BRWD1: variants seen among roughly 807,000 people sequenced by gnomAD.
BRWD1 encodes the protein bromodomain and WD repeat domain containing 1.
Under a neutral mutation model 251.2 loss-of-function variants are expected in BRWD1, and 82 were observed. That is an observed-to-expected ratio of 0.33 (90% CI 0.27 to 0.39). BRWD1 has a LOEUF of 0.39. BRWD1 is among the 10% of genes least tolerant of loss of function. BRWD1 has a pLI of 1.00. For missense variants in BRWD1, 2,233 were observed against 2,711.6 expected, an observed-to-expected ratio of 0.82 and a Z score of 3.92; for synonymous variants, 918 against 902.8, an observed-to-expected ratio of 1.02 and a Z score of -0.30.
intron 5 of BRWD1, 77 bp from the exon 6 acceptor site, chr21:39,296,440 A>G: frequency 7.0e-7 from 1 of 1,422,618 alleles, no homozygotes; most frequent in Non-Finnish European, 9.2e-7. Flanking sequence ...ACTTACGTAT[A>G]TTGTAATAAA....
Position 39,293,871 on chromosome 21 carries a change from C to T in BRWD1, c.771G>A (p.Leu257=), listed in dbSNP as rs761255859. The T allele has an allele frequency of 7.4e-6, 12 of 1,614,052 alleles. No homozygotes were observed. The highest frequency in any genetic ancestry group is 1.3e-5 in the African/African-American group (1 of 74,924). The change falls in exon 8 of 41, where the codon TTG becomes TTA. Residue 257 remains leucine (L), a synonymous_variant. Transcript: ENST00000342449. ...GCACAGCAACTGGGGCACAAGTTCTCAAGCACCACACTCTAATAATTTTAT... is the reference window on the plus strand; with the variant it reads ...GCACAGCAACTGGGGCACAAGTTCTTAAGCACCACACTCTAATAATTTTAT... ...SCDKIIRVWC[L]RTCAPVAVLQ...
chr21:39,215,374 A>G lies in BRWD1; in HGVS notation c.3660-12T>C. On this transcript the variant is annotated splice_polypyrimidine_tract_variant and intron_variant, in intron 31 of 40. Transcript: ENST00000342449. The stretch of plus-strand genomic sequence containing the variant: ...ACGCAGACAGCCTCCTTCAAAATAA[A>G]GTAGACAATTTAGGGCTTAGAAAAT... 1 of 1,610,754 alleles carries G rather than the reference A, an allele frequency of 6.2e-7. No homozygotes were observed. The highest frequency in any genetic ancestry group is 2.2e-5 in the East Asian group (1 of 44,796).
rs969045890 is a variant in BRWD1 at position 39,192,544 on chromosome 21, A to G, written c.*3715T>C. The G allele has an allele frequency of 1.0e-6, 1 of 984,238 alleles. No individual in the cohort carries two copies. The highest frequency in any genetic ancestry group is 6.2e-5 in the Admixed American group (1 of 16,230). 61.0% of individuals were successfully genotyped at this position (984,238 alleles called of 1,614,324 possible). ...ACAATGACTTGTTGCACTCTATCAC[A>G]TTAAAATAATTGAACTATAATTTCC... On this transcript the variant is annotated 3_prime_UTR_variant, in exon 41 of 41. Transcript: ENST00000342449.
intron 4 of BRWD1, among the ~76,000 whole-genome samples, chr21:39,311,468 T>C (rs1425245478): frequency 6.6e-6 from 1 of 152,210 alleles, no homozygotes; most frequent in African/African-American, 2.4e-5. Context: ...ATAAATGTAT[T>C]TTAAAAGTAA....
At chr21:39,248,446 AAAAAACAAC>A (rs928981896) in intron 20 of BRWD1, among the ~76,000 whole-genome samples, 48 of 151,818 alleles carry the variant, frequency 3.2e-4, no homozygotes, top group South Asian at 1.0e-3. Context: ...ACCTGCCCCT[AAAAAACAAC>A]AAAAACAAGA....
At chr21:39,308,025 CACA>C (rs916841589) in intron 4 of BRWD1, among the ~76,000 whole-genome samples, 1 of 152,142 alleles carries the variant, frequency 6.6e-6, no homozygotes, top group African/African-American at 2.4e-5. Context: ...CACGGAGGCT[CACA>C]CCTGTAAACC....
intron 15 of BRWD1, among the ~76,000 whole-genome samples, chr21:39,267,504 C>T (rs938536133): frequency 5.9e-5 from 9 of 152,276 alleles, no homozygotes; most frequent in African/African-American, 1.9e-4. Context: ...GAGGCTGAGG[C>T]GGGAGAATGG....
intron 4 of BRWD1, among the ~76,000 whole-genome samples, chr21:39,302,147 C>A (rs1310274552): frequency 2.0e-5 from 3 of 151,936 alleles, no homozygotes; most frequent in Middle Eastern, 3.4e-3. Flanking sequence ...CCACACCCAG[C>A]TAATTTTTGT....
Position 39,232,451 on chromosome 21 carries a change from T to A in BRWD1, c.2814A>T (p.Leu938Phe). The change falls in exon 24 of 41, where the codon TTA (leucine) becomes TTT (phenylalanine). Residue 938 changes from leucine to phenylalanine, a missense_variant. By Grantham distance (22) the Leu-to-Phe change is conservative (BLOSUM62 0). Transcript: ENST00000342449. ...TCCAAACTGGAGGGTGAAATTCATA[T>A]AAATGCTCCATATTTGCAAGCTCTG... The part of the protein sequence containing the change: ...TPAELANMEH[L>F]YEFHPPVWIT... 1 of 1,587,862 alleles carries A rather than the reference T, an allele frequency of 6.3e-7. No homozygotes were observed. The highest frequency in any genetic ancestry group is 8.5e-7 in the Non-Finnish European group (1 of 1,174,202).
chr21:39,188,753 A>AG lies in BRWD1; in HGVS notation c.*7505dup, dbSNP rs2031386588. 9 of 985,314 alleles carry AG rather than the reference A, an allele frequency of 9.1e-6. No individual in the cohort carries two copies. The highest frequency in any genetic ancestry group is 1.1e-5 in the Non-Finnish European group (9 of 829,914). The allele number at this position is 985,314 out of a possible 1,614,324, so 61.0% of individuals were successfully genotyped here. On this transcript the variant is annotated 3_prime_UTR_variant, in exon 41 of 41. Transcript: ENST00000342449. ...TTGAGCGTTCTCCCCAGAATAGGTT[A>AG]GGAAATACTTTATTCAAAGCAACCC...
rs772989432 is a variant in BRWD1 at position 39,197,210 on chromosome 21, C to T, written c.5859G>A (p.Val1953=). The T allele has an allele frequency of 1.2e-6, 2 of 1,613,986 alleles. No individual in the cohort carries two copies. The highest frequency in any genetic ancestry group is 4.5e-5 in the East Asian group (2 of 44,876). The part of the protein sequence containing the change: ...SDVEDVSLEN[V]HTRSKNGRKK... ...TCCTTCCATTTTTGCTTCTAGTGTG[C>T]ACATTTTCTAAACTGACATCTTCTA... The change falls in exon 41 of 41, where the codon GTG becomes GTA. Residue 1953 remains valine, a synonymous_variant. Transcript: ENST00000342449.
At chr21:39,206,338 G>GT (rs2032387580) in intron 36 of BRWD1, 64 bp from the exon 37 acceptor site, 5 of 1,222,560 alleles carry the variant, frequency 4.1e-6, no homozygotes, top group Admixed American at 2.5e-5. Flanking sequence ...AGAAATAATT[G>GT]TAATCATTGA....
chr21:39,301,737 T>C (rs2036118816), intron 4 of BRWD1, among the ~76,000 whole-genome samples: 1 of 152,098 alleles, frequency 6.6e-6, no homozygotes, highest in African/African-American at 2.4e-5. Context: ...AGATCATGAC[T>C]ACAGGACAAC....
At chr21:39,235,990 C>A in intron 23 of BRWD1, 1 of 213,128 alleles carries the variant, frequency 4.7e-6, no homozygotes, top group Non-Finnish European at 1.0e-5. Flanking sequence ...AACCCCAATC[C>A]CACGGTCTCC....
rs2031658053 is a variant in BRWD1 at position 39,193,489 on chromosome 21, T to C, written c.*2770A>G. On this transcript the variant is annotated 3_prime_UTR_variant, in exon 41 of 41. Coordinates refer to ENST00000342449, the MANE Select transcript of BRWD1 (RefSeq NM_033656.4). ...AATGTTTGAAATCATTTTTCCTTTA[T>C]ATGCTTGGTAAAGTGAGTCTTTCCA... 1.0e-6 allele frequency: 1 copy of C among 985,140 alleles called. No individual in the cohort carries two copies. Among genetic ancestry groups the C allele is most frequent in the Non-Finnish European group, 1.2e-6 (1 of 829,684 alleles). 61.0% of individuals were successfully genotyped at this position (985,140 alleles called of 1,614,324 possible).
intron 36 of BRWD1, among the ~76,000 whole-genome samples, chr21:39,206,699 T>C (rs1368673625): frequency 6.6e-6 from 1 of 152,220 alleles, no homozygotes; most frequent in African/African-American, 2.4e-5. Context: ...TATATACCCA[T>C]CTCTGTCTGC....
chr21:39,234,862 G>A (rs566891781), intron 23 of BRWD1, among the ~76,000 whole-genome samples: 1 of 152,272 alleles, frequency 6.6e-6, no homozygotes, highest in Non-Finnish European at 1.5e-5. Flanking sequence ...TTTATCAAGA[G>A]GGAGCAGTAT....
At chr21:39,218,790 T>C in intron 29 of BRWD1, 130 bp from the exon 30 acceptor site, 1 of 679,812 alleles carries the variant, frequency 1.5e-6, no homozygotes. Context: ...AGTTCAAATG[T>C]GCAACTCTTT....
In BRWD1 at chr21:39,194,843, A is replaced by G; in HGVS notation, c.*1416T>C. The G allele has an allele frequency of 6.5e-7, 1 of 1,533,776 alleles. No individual in the cohort carries two copies. The highest frequency in any genetic ancestry group is 8.7e-7 in the Non-Finnish European group (1 of 1,145,106). On this transcript the variant is annotated 3_prime_UTR_variant, in exon 41 of 41. Transcript: ENST00000342449. Reference sequence around the variant, plus strand: ...ACCTTATCTGCCACTTCAAAGATACACAGGAGAAAAGGGTTAATTTTGTCT... The same window carrying G: ...ACCTTATCTGCCACTTCAAAGATACGCAGGAGAAAAGGGTTAATTTTGTCT...
Sources: allele counts gnomAD v4.1 joint callset (sites outside exome capture counted in the v4.1 genomes callset), GRCh38; gene constraint gnomAD v4.1.1; transcripts MANE v1.5; gene names NCBI Gene and HGNC (gene_info 2026-07-23, HGNC 2026-07-21).